The following DPYSL3 variants were observed in gnomAD, a reference collection of about 807,000 sequenced individuals.
The protein encoded by DPYSL3 is dihydropyrimidinase-related protein 3.
DPYSL3 carries 16 observed loss-of-function variants against 66.1 expected under a neutral mutation model. The ratio of observed to expected loss-of-function variants is 0.24; its 90% CI spans 0.16 to 0.37. The LOEUF (loss-of-function observed/expected upper bound fraction) is 0.37, where lower values mean the gene tolerates loss of function less well. Ranked by LOEUF, DPYSL3 falls within the 10% of genes least tolerant of loss-of-function variation. DPYSL3 has a pLI of 1.00. For missense variants in DPYSL3, 738 were observed against 916.2 expected (o/e 0.81, Z 2.51); for synonymous variants, 338 against 345.1 (o/e 0.98, Z 0.23).
intron 1 of DPYSL3, among the ~76,000 whole-genome samples, chr5:147,497,542 T>C (rs956141324): frequency 9.2e-5 from 14 of 152,292 alleles, no homozygotes; most frequent in Admixed American, 8.5e-4. Flanking sequence ...TGAAGGTTTA[T>C]CTCAGCAAGG....
rs1396637996 is a variant in DPYSL3 at position 147,509,400 on chromosome 5, A to C, written c.381+78T>G. On this transcript the variant is annotated intron_variant, in intron 1 of 13. Transcript: ENST00000343218. This position sits in a 1 kb window ranked among gnomAD's most constrained non-coding sequence, Gnocchi z 5.3. ...GCCCCGTGCAAAGTGAGCTGGAGAA[A>C]GTTGTGCCCGGGCCATGGCGGCCAG... is the stretch of plus-strand genomic sequence containing the variant. 4.2e-6 allele frequency: 6 copies of C among 1,436,476 alleles called. No homozygotes were observed. Among genetic ancestry groups the C allele is most frequent in the Non-Finnish European group, 4.6e-6 (5 of 1,097,248 alleles). 89.0% of individuals were successfully genotyped at this position (1,436,476 alleles called of 1,614,324 possible).
chr5:147,500,671 C>T (rs1455652567), intron 1 of DPYSL3, among the ~76,000 whole-genome samples: 1 of 150,892 alleles, frequency 6.6e-6, no homozygotes, highest in Non-Finnish European at 1.5e-5. Flanking sequence ...AAAAATGAGC[C>T]AAAGAGCTTA....
At chr5:147,408,548 G>T (rs1333464651) in intron 7 of DPYSL3, among the ~76,000 whole-genome samples, 180 bp downstream of exon 7, 1 of 152,182 alleles carries the variant, frequency 6.6e-6, no homozygotes, top group Non-Finnish European at 1.5e-5. Context: ...TTAGGGGTCA[G>T]AAATAAGCAT....
At chr5:147,501,918 G>A (rs561064538) in intron 1 of DPYSL3, among the ~76,000 whole-genome samples, 5 of 152,312 alleles carry the variant, frequency 3.3e-5, no homozygotes, top group South Asian at 2.1e-4. Flanking sequence ...TGACTTCACT[G>A]TGAATCCAAA....
intron 1 of DPYSL3, among the ~76,000 whole-genome samples, chr5:147,440,850 AG>A (rs1198938601): frequency 6.6e-6 from 1 of 152,216 alleles, no homozygotes; most frequent in South Asian, 2.1e-4. Context: ...AGAACAGTAC[AG>A]TAAGTGAGGG....
intron 1 of DPYSL3, among the ~76,000 whole-genome samples, chr5:147,439,271 A>G (rs1486859903): frequency 1.3e-5 from 2 of 152,158 alleles, no homozygotes; most frequent in Non-Finnish European, 2.9e-5. Context: ...GGATAAGGGG[A>G]CGGTGGAGGC....
Position 147,509,516 on chromosome 5 carries a change from C to G in DPYSL3, c.343G>C (p.Gly115Arg), listed in dbSNP as rs980004497. 1.3e-6 allele frequency: 2 copies of G among 1,533,004 alleles called. No homozygotes were observed. The highest frequency in any genetic ancestry group is 1.7e-6 in the Non-Finnish European group (2 of 1,145,494). The allele number at this position is 1,533,004 out of a possible 1,614,324, so 95.0% of individuals were successfully genotyped here. Reference protein sequence around the residue: ...PAGVEIRSATGKEVLQNLGPK... With the variant: ...PAGVEIRSATRKEVLQNLGPK... ...CCGAGGTTCTGCAACACCTCTTTGC[C>G]GGTGGCGCTCCGGATCTCTACCCCG... The change falls in exon 1 of 14, where the codon GGC becomes CGC. Residue 115 changes from glycine (G) to arginine (R), a missense_variant. Transcript: ENST00000343218. The surrounding 1 kb of genome is among the most constrained non-coding windows in gnomAD (Gnocchi z 5.3).
At chr5:147,498,083 C>T (rs992062978) in intron 1 of DPYSL3, among the ~76,000 whole-genome samples, 4 of 152,110 alleles carry the variant, frequency 2.6e-5, no homozygotes, top group East Asian at 1.9e-4. Flanking sequence ...CCTCTCCCTC[C>T]TCCCACCCTC....
intron 1 of DPYSL3, among the ~76,000 whole-genome samples, chr5:147,495,145 G>C (rs534639987): frequency 1.3e-5 from 2 of 152,064 alleles, no homozygotes; most frequent in African/African-American, 4.8e-5. Flanking sequence ...AAATTATGCC[G>C]ATTCTCTACA....
intron 1 of DPYSL3, among the ~76,000 whole-genome samples, chr5:147,471,787 T>C (rs1753088677): frequency 1.3e-5 from 2 of 152,146 alleles, no homozygotes; most frequent in African/African-American, 2.4e-5. Context: ...AACTTTAGGA[T>C]AGAAACTCTA....
intron 6 of DPYSL3, 147 bp downstream of exon 6, chr5:147,412,461 G>A: frequency 1.4e-6 from 1 of 691,566 alleles, no homozygotes; most frequent in Non-Finnish European, 2.4e-6. Flanking sequence ...CACCTAAATT[G>A]TGAGGTACCT....
In DPYSL3 at chr5:147,408,737, C is replaced by A; in HGVS notation, c.1023G>T (p.Arg341Ser). The A allele has an allele frequency of 6.2e-7, 1 of 1,614,210 alleles. No individual in the cohort carries two copies. The highest frequency in any genetic ancestry group is 8.5e-7 in the Non-Finnish European group (1 of 1,180,036). The change falls in exon 7 of 14, where the codon AGG becomes AGT. Residue 341 changes from arginine to serine, a missense_variant. Transcript: ENST00000343218. ...ATCCCCTGTAACTTACCTCTTCTGG[C>A]CTGCTCAGTACATGGCCTTCTGGGC... ...ITGPEGHVLS[R>S]PEELEAEAVF...
intron 1 of DPYSL3, among the ~76,000 whole-genome samples, chr5:147,487,278 G>T (rs1382587073): frequency 2.0e-5 from 3 of 151,944 alleles, no homozygotes; most frequent in Admixed American, 6.6e-5. Context: ...TCATAAATTT[G>T]CATTCTCTAA....
At position 147,426,268 on chromosome 5, in the gene DPYSL3, G is replaced by T. The variant is rs1752196205; in HGVS notation, c.382-1305C>A. 2.0e-5 allele frequency among the ~76,000 whole-genome samples: 3 copies of T among 152,072 alleles called. No homozygotes were observed. The South Asian group carries it at 6.2e-4, about 31-fold the overall frequency. On this transcript the variant is annotated intron_variant, in intron 1 of 13. Coordinates refer to ENST00000343218, the MANE Select transcript of DPYSL3 (RefSeq NM_001197294.2). ...AGAACTTCTCTAGGTAGAAGGAATAGCATGTGCACAAGCCTGGAGGTAGGA... is the reference window on the plus strand; with the variant it reads ...AGAACTTCTCTAGGTAGAAGGAATATCATGTGCACAAGCCTGGAGGTAGGA...
intron 2 of DPYSL3, among the ~76,000 whole-genome samples, chr5:147,421,761 A>G (rs1027231226): frequency 7.2e-5 from 11 of 152,232 alleles, no homozygotes; most frequent in African/African-American, 2.2e-4. Flanking sequence ...CAACGGGAAA[A>G]GGATTTCCTA....
intron 1 of DPYSL3, among the ~76,000 whole-genome samples, chr5:147,480,754 C>T (rs575900738): frequency 1.6e-4 from 24 of 149,012 alleles, no homozygotes; most frequent in African/African-American, 4.7e-4. Flanking sequence ...AGGAGTTTCT[C>T]TCTTGTTACC....
In DPYSL3 at chr5:147,432,918, A is replaced by T. The variant is rs182969757; in HGVS notation, c.382-7955T>A. Among the ~76,000 whole-genome samples, 282 of 152,340 alleles carry T rather than the reference A, an allele frequency of 1.9e-3. 1 individual carries two copies. Among genetic ancestry groups the T allele is most frequent in the African/African-American group, 6.1e-3 (255 of 41,582 alleles). ...TTTTGTCTACATTCTGCTGCCTTCG[A>T]GAGGGCTCTAAAGGATGATCTTGGA... On this transcript the variant is annotated intron_variant, in intron 1 of 13. Coordinates refer to ENST00000343218, the MANE Select transcript of DPYSL3 (RefSeq NM_001197294.2).
At chr5:147,436,939 T>C (rs1448169460) in intron 1 of DPYSL3, among the ~76,000 whole-genome samples, 1 of 152,182 alleles carries the variant, frequency 6.6e-6, no homozygotes, top group African/African-American at 2.4e-5. Context: ...TACAGCAATG[T>C]AGCAGGTCAC....
At chr5:147,504,188 A>G (rs1280966771) in intron 1 of DPYSL3, among the ~76,000 whole-genome samples, 1 of 152,224 alleles carries the variant, frequency 6.6e-6, no homozygotes, top group Non-Finnish European at 1.5e-5. Context: ...AGAGTCACTG[A>G]CTGAAATCAT....
Sources: gnomAD v4.1 joint callset for allele counts (sites outside exome capture counted in the v4.1 genomes callset) on GRCh38, gnomAD v4.1.1 for gene constraint, Gnocchi (gnomAD v3.1) non-coding constraint, MANE v1.5 for transcripts, NCBI Gene and HGNC (gene_info 2026-07-23, HGNC 2026-07-21) for gene names.